Variants in UAP1 observed in about 807,000 individuals in gnomAD.
The protein encoded by UAP1 is UDP-N-acetylglucosamine pyrophosphorylase 1, also known as UDP-N-acetylhexosamine pyrophosphorylase.
UAP1 carries 25 observed loss-of-function variants against 58.5 expected under a neutral mutation model. The observed-to-expected ratio is 0.43, with a 90% confidence interval of 0.31 to 0.60. The LOEUF (loss-of-function observed/expected upper bound fraction) is 0.60, where lower values mean the gene tolerates loss of function less well. Ranked by LOEUF, UAP1 falls within the 20% of genes least tolerant of loss-of-function variation. The pLI is 0.11. For synonymous variants in UAP1, 208 were observed against 213.0 expected (o/e 0.98, Z 0.21); for missense variants, 575 against 630.0 (o/e 0.91, Z 0.93).
chr1:162,567,998 A>G (rs1653625782), intron 2 of UAP1, among the ~76,000 whole-genome samples: 2 of 152,158 alleles, frequency 1.3e-5, no homozygotes, highest in Non-Finnish European at 2.9e-5. Context: ...GGGTTTCACC[A>G]TGTTGGCCAG....
intron 9 of UAP1, among the ~76,000 whole-genome samples, chr1:162,594,564 G>A (rs1326342339): frequency 1.3e-5 from 2 of 152,198 alleles, no homozygotes; most frequent in African/African-American, 2.4e-5. Flanking sequence ...CTGGGATGCA[G>A]AGCCCTTTAT....
chr1:162,577,808 C>T (rs1654298295), intron 3 of UAP1, among the ~76,000 whole-genome samples: 1 of 152,028 alleles, frequency 6.6e-6, no homozygotes, highest in African/African-American at 2.4e-5. Context: ...GATGGAGTTT[C>T]ACCATGTTGG....
Position 162,566,125 on chromosome 1 carries a change from A to T in UAP1, c.57A>T (p.Leu19=), listed in dbSNP as rs547062175. ...CCAAAGCTGGGCAAGAGCACCTACT[A>T]CGTTTCTGGAATGAGCTTGAAGAAG... The change falls in exon 2 of 11, where the codon CTA becomes CTT. Residue 19 remains leucine (L), a synonymous_variant. Coordinates refer to ENST00000271469, the Ensembl canonical transcript of UAP1. 135 of 1,613,236 alleles carry T rather than the reference A, an allele frequency of 8.4e-5. 1 individual carries two copies. Among genetic ancestry groups the T allele is most frequent in the East Asian group, 2.5e-4 (11 of 44,888 alleles).
chr1:162,581,058 A>C (rs1557972361), intron 4 of UAP1, among the ~76,000 whole-genome samples: 1 of 152,230 alleles, frequency 6.6e-6, no homozygotes, highest in African/African-American at 2.4e-5. Flanking sequence ...GGGTTGCCTG[A>C]TCTTACATTG....
intron 10 of UAP1, among the ~76,000 whole-genome samples, chr1:162,598,412 A>G (rs981684327): frequency 1.3e-5 from 2 of 152,180 alleles, no homozygotes; most frequent in Non-Finnish European, 2.9e-5. Context: ...CTTTGCATCT[A>G]TCCCATAAGT....
chr1:162,599,856 G>A (rs1016915270), downstream of UAP1: 2 of 152,198 alleles, frequency 1.3e-5, no homozygotes, highest in African/African-American at 4.8e-5. Context: ...TGTACTTGAA[G>A]AAATTATTTC....
At chr1:162,567,321 T>G (rs1211348346) in intron 2 of UAP1, among the ~76,000 whole-genome samples, 2 of 152,254 alleles carry the variant, frequency 1.3e-5, no homozygotes, top group Non-Finnish European at 2.9e-5. Flanking sequence ...GAACAGCCCA[T>G]GTACTAGTTG....
At chr1:162,565,283 T>C (rs561385095) in intron 1 of UAP1, among the ~76,000 whole-genome samples, 1 of 152,336 alleles carries the variant, frequency 6.6e-6, no homozygotes, top group South Asian at 2.1e-4. Context: ...CCCCATTTTC[T>C]TATTTTTTAG....
At chr1:162,590,197 T>C in intron 7 of UAP1, 126 bp from the exon 8 acceptor site, 2 of 722,478 alleles carry the variant, frequency 2.8e-6, no homozygotes, top group Non-Finnish European at 4.3e-6. Flanking sequence ...TGAGCAATAT[T>C]TTATTCATCA....
chr1:162,563,614 C>T (rs1653310646), intron 1 of UAP1, among the ~76,000 whole-genome samples: 1 of 152,174 alleles, frequency 6.6e-6, no homozygotes, highest in African/African-American at 2.4e-5. Context: ...CCGCCCGCCT[C>T]GGCCTCCCAA....
intron 4 of UAP1, among the ~76,000 whole-genome samples, chr1:162,579,926 G>A (rs746236422): frequency 6.6e-6 from 1 of 152,064 alleles, no homozygotes; most frequent in Non-Finnish European, 1.5e-5. Context: ...GTACAGTGGC[G>A]CAATCTCGGC....
At chr1:162,580,465 T>C (rs1486256852) in intron 4 of UAP1, among the ~76,000 whole-genome samples, 1 of 152,176 alleles carries the variant, frequency 6.6e-6, no homozygotes, top group Non-Finnish European at 1.5e-5. Flanking sequence ...CCACTAGAAT[T>C]GGACAGTGTA....
chr1:162,565,905 TA>T lies in UAP1; in HGVS notation c.-57-105del, dbSNP rs1249249764. On this transcript the variant is annotated intron_variant, in intron 1 of 10. Transcript: ENST00000271469. ...TATTGAGTGATGGAAAAGCAGAAGT[TA>T]ATTTTTTTAACATCGTTTTGAAATA... 7.1e-6 allele frequency: 5 copies of T among 705,280 alleles called. No homozygotes were observed. In the East Asian group the frequency reaches 1.1e-4, roughly 15 times the overall value. 43.7% of individuals were successfully genotyped at this position (705,280 alleles called of 1,614,324 possible).
chr1:162,590,376 A>C, exon 8 of UAP1: 1 of 1,613,724 alleles, frequency 6.2e-7, no homozygotes, highest in Non-Finnish European at 8.5e-7. Context: ...CCACTAAAGA[A>C]TGCTGATAGT....
At chr1:162,567,198 A>G (rs538573575) in intron 2 of UAP1, among the ~76,000 whole-genome samples, 1 of 152,280 alleles carries the variant, frequency 6.6e-6, no homozygotes, top group South Asian at 2.1e-4. Context: ...CACACATAAT[A>G]TTTTATCTAT....
chr1:162,574,151 G>A (rs1337017431), intron 2 of UAP1, among the ~76,000 whole-genome samples: 1 of 142,684 alleles, frequency 7.0e-6, no homozygotes, highest in Non-Finnish European at 1.5e-5. Flanking sequence ...GGAATGCAGT[G>A]GCACGATCTC....
At chr1:162,589,425 T>TTATA (rs1439596912) in intron 7 of UAP1, among the ~76,000 whole-genome samples, 1 of 149,518 alleles carries the variant, frequency 6.7e-6, no homozygotes, top group Non-Finnish European at 1.5e-5. Context: ...AGTGCTGGGA[T>TTATA]TATAGGCTTG....
intron 3 of UAP1, among the ~76,000 whole-genome samples, chr1:162,577,627 T>G (rs778815917): frequency 5.3e-5 from 8 of 151,388 alleles, no homozygotes; most frequent in Non-Finnish European, 1.0e-4. Context: ...TTTTTTTTCT[T>G]TTTGAGAGGG....
At chr1:162,565,871 T>C (rs1375643846) in intron 1 of UAP1, 141 bp from the exon 2 acceptor site, 1 of 588,464 alleles carries the variant, frequency 1.7e-6, no homozygotes, top group East Asian at 2.9e-5. Context: ...AGGTTTGATC[T>C]CTTACAAATA....
Sources: gnomAD v4.1 joint callset for allele counts (sites outside exome capture counted in the v4.1 genomes callset) on GRCh38, gnomAD v4.1.1 for gene constraint, MANE v1.5 for transcripts, NCBI Gene and HGNC (gene_info 2026-07-23, HGNC 2026-07-21) for gene names.